SUSD6: variants seen among roughly 807,000 people sequenced by gnomAD.
SUSD6 encodes sushi domain containing 6.
Under a neutral mutation model 28.4 loss-of-function variants are expected in SUSD6, and 16 were observed. That is an observed-to-expected ratio of 0.56 (90% CI 0.38 to 0.86). The LOEUF is 0.86. SUSD6 is among the 40% of genes least tolerant of loss of function. The pLI is 0.00. For missense variants in SUSD6, 341 were observed against 384.2 expected (o/e 0.89, Z 0.94); for synonymous variants, 147 against 159.6 (o/e 0.92, Z 0.59).
chr14:69,709,022 A>C lies in SUSD6; in HGVS notation c.804A>C (p.Gln268His), dbSNP rs748499581. 1 of 1,614,070 alleles carries C rather than the reference A, an allele frequency of 6.2e-7. No individual in the cohort carries two copies. The highest frequency in any genetic ancestry group is 1.6e-4 in the Middle Eastern group (1 of 6,062). ...SSWVAGSGNR[Q>H]LAHKETADSE... ...GGGTGGCCGGCTCAGGGAACCGCCA[A>C]CTGGCACACAAAGAAACTGCAGATT... The change falls in exon 5 of 6, where the codon CAA (glutamine) becomes CAC (histidine). Residue 268 changes from glutamine (Q) to histidine (H), a missense_variant. Physicochemically the swap from Gln to His is conservative, Grantham distance 24 (BLOSUM62 0). Coordinates refer to ENST00000342745, the MANE Select transcript of SUSD6 (RefSeq NM_014734.4).
At chr14:69,658,316 G>A (rs1360016564) in intron 1 of SUSD6, among the ~76,000 whole-genome samples, 197 bp from the exon 2 acceptor site, 1 of 152,200 alleles carries the variant, frequency 6.6e-6, no homozygotes, top group Non-Finnish European at 1.5e-5. Context: ...CCTGGCTTCT[G>A]CACGCTGCAG....
intron 2 of SUSD6, among the ~76,000 whole-genome samples, chr14:69,687,688 A>T (rs750179535): frequency 3.9e-5 from 6 of 152,128 alleles, no homozygotes; most frequent in Non-Finnish European, 4.4e-5. Flanking sequence ...ATAGAGAAAA[A>T]TCTCTCTAAT....
rs1202390258 is a variant in SUSD6 at position 69,664,385 on chromosome 14, G to A, written c.121+5672G>A. Among the ~76,000 whole-genome samples, 9 of 152,244 alleles carry A rather than the reference G, an allele frequency of 5.9e-5. No individual in the cohort carries two copies. The East Asian group carries it at 1.4e-3, about 23-fold the overall frequency. On this transcript the variant is annotated intron_variant, in intron 2 of 5. Coordinates refer to ENST00000342745, the MANE Select transcript of SUSD6 (RefSeq NM_014734.4). Reference sequence around the variant, plus strand: ...TTCTATTCTTGGAAAGGAACAATAGGGACGTAGTAAATAGTTTGCTAAATG... The same window carrying A: ...TTCTATTCTTGGAAAGGAACAATAGAGACGTAGTAAATAGTTTGCTAAATG...
At chr14:69,648,607 C>G (rs1885460873) in intron 1 of SUSD6, among the ~76,000 whole-genome samples, 1 of 152,102 alleles carries the variant, frequency 6.6e-6, no homozygotes, top group African/African-American at 2.4e-5. Context: ...GGCCTGAGAA[C>G]CAGGAAGTGA....
intron 2 of SUSD6, among the ~76,000 whole-genome samples, chr14:69,659,606 C>T (rs1276059836): frequency 6.6e-6 from 1 of 152,192 alleles, no homozygotes. Flanking sequence ...CAACCTCTGC[C>T]TCCCGGGTTC....
At chr14:69,705,725 C>G (rs1228147786) in intron 4 of SUSD6, among the ~76,000 whole-genome samples, 3 of 152,224 alleles carry the variant, frequency 2.0e-5, no homozygotes, top group African/African-American at 7.2e-5. Context: ...CTGCACCACA[C>G]TAAGGAGAAA....
At chr14:69,640,683 T>G (rs949936000) in intron 1 of SUSD6, among the ~76,000 whole-genome samples, 1 of 151,958 alleles carries the variant, frequency 6.6e-6, no homozygotes, top group African/African-American at 2.4e-5. Flanking sequence ...TGAGACACAT[T>G]AACCAACAAA....
chr14:69,670,976 T>C (rs1333506904), intron 2 of SUSD6, among the ~76,000 whole-genome samples: 2 of 152,264 alleles, frequency 1.3e-5, no homozygotes, highest in African/African-American at 4.8e-5. Context: ...GTATGTTCAG[T>C]AGCTGTAGTT....
At chr14:69,624,453 GTT>G (rs1416020968) in intron 1 of SUSD6, among the ~76,000 whole-genome samples, 14 of 136,038 alleles carry the variant, frequency 1.0e-4, no homozygotes, top group Admixed American at 1.5e-4. Context: ...ATACTTAGTT[GTT>G]TTTTTTTTTT....
intron 2 of SUSD6, among the ~76,000 whole-genome samples, chr14:69,687,391 G>A (rs1196643832): frequency 1.3e-5 from 2 of 152,228 alleles, no homozygotes; most frequent in Non-Finnish European, 2.9e-5. Flanking sequence ...GATTACAGGC[G>A]TGAGCCACTG....
At position 69,679,497 on chromosome 14, in the gene SUSD6, T is replaced by C. The variant is rs111398813; in HGVS notation, c.121+20784T>C. Among the ~76,000 whole-genome samples, 866 of 152,308 alleles carry C rather than the reference T, an allele frequency of 5.7e-3. 8 individuals are homozygous for C. Among genetic ancestry groups the C allele is most frequent in the African/African-American group, 0.017 (697 of 41,572 alleles). ...TAATTTTTAGTAGTGTAAAGCAAGC[T>C]TGTTCAACCCACGGCCCATGGGCTG... On this transcript the variant is annotated intron_variant, in intron 2 of 5. Coordinates refer to ENST00000342745, the MANE Select transcript of SUSD6 (RefSeq NM_014734.4).
At chr14:69,671,491 A>T (rs1368768619) in intron 2 of SUSD6, among the ~76,000 whole-genome samples, 3 of 152,188 alleles carry the variant, frequency 2.0e-5, no homozygotes, top group Non-Finnish European at 4.4e-5. Flanking sequence ...GGCATGTCTG[A>T]CAAAGACTCC....
At chr14:69,694,558 C>A (rs1886196997) in intron 2 of SUSD6, among the ~76,000 whole-genome samples, 1 of 152,214 alleles carries the variant, frequency 6.6e-6, no homozygotes, top group African/African-American at 2.4e-5. Flanking sequence ...CAGCTGACTG[C>A]ATGTGCTTTC....
intron 2 of SUSD6, among the ~76,000 whole-genome samples, chr14:69,664,566 G>A (rs1885710885): frequency 6.6e-6 from 1 of 151,618 alleles, no homozygotes; most frequent in Non-Finnish European, 1.5e-5. Flanking sequence ...TATAGTTCTC[G>A]ATGAACCCTA....
intron 1 of SUSD6, among the ~76,000 whole-genome samples, chr14:69,626,027 G>A (rs1241826836): frequency 6.6e-6 from 1 of 152,188 alleles, no homozygotes; most frequent in Non-Finnish European, 1.5e-5. Context: ...TTGTGGGACT[G>A]AATGGTTGAG....
intron 2 of SUSD6, among the ~76,000 whole-genome samples, chr14:69,665,049 A>T (rs1885718701): frequency 6.6e-6 from 1 of 152,120 alleles, no homozygotes; most frequent in Non-Finnish European, 1.5e-5. Context: ...TCAGATCAGG[A>T]GAGACCTTGG....
At chr14:69,636,541 A>T (rs1181175686) in intron 1 of SUSD6, among the ~76,000 whole-genome samples, 1 of 152,224 alleles carries the variant, frequency 6.6e-6, no homozygotes, top group African/African-American at 2.4e-5. Flanking sequence ...AGCTCTTAGA[A>T]CAACTCTTCA....
At chr14:69,657,768 G>A (rs1302488244) in intron 1 of SUSD6, among the ~76,000 whole-genome samples, 1 of 151,932 alleles carries the variant, frequency 6.6e-6, no homozygotes. Flanking sequence ...TTAAAGTCTT[G>A]AGCTCTGATA....
intron 2 of SUSD6, among the ~76,000 whole-genome samples, chr14:69,681,504 G>A (rs905392272): frequency 2.0e-5 from 3 of 152,228 alleles, no homozygotes; most frequent in Non-Finnish European, 4.4e-5. Context: ...GACTGCTGAC[G>A]TAAGTGGCCT....
Sources: allele counts gnomAD v4.1 joint callset (sites outside exome capture counted in the v4.1 genomes callset), GRCh38; gene constraint gnomAD v4.1.1; transcripts MANE v1.5; gene names NCBI Gene and HGNC (gene_info 2026-07-23, HGNC 2026-07-21).